SRCAP: variants seen among roughly 807,000 people sequenced by gnomAD.
SRCAP encodes Snf2 related CREBBP activator protein, also known as chromatin remodeling protein SRCAP.
In SRCAP, 46 loss-of-function variants were observed where a neutral mutation model predicts 263.1. That is an observed-to-expected ratio of 0.17 (90% CI 0.14 to 0.22). The LOEUF is 0.22. SRCAP is among the 10% of genes least tolerant of loss of function. SRCAP has a pLI of 1.00. For synonymous variants in SRCAP, 1,813 were observed against 1,662.1 expected (o/e 1.09, Z -2.21); for missense variants, 3,695 against 4,181.9 (o/e 0.88, Z 3.21).
At chr16:30,707,735 G>A (rs764004100) in intron 6 of SRCAP, 23 bp downstream of exon 6, 5 of 1,613,388 alleles carry the variant, frequency 3.1e-6, no homozygotes, top group Non-Finnish European at 4.2e-6. Flanking sequence ...GATCAGGAAA[G>A]GAAAATGGCC....
intron 3 of SRCAP, 96 bp from the exon 4 acceptor site, chr16:30,703,968 C>T: frequency 2.8e-6 from 4 of 1,421,506 alleles, no homozygotes; most frequent in Non-Finnish European, 3.8e-6. Context: ...TTACTCTACA[C>T]AGTTTTTTCT....
chr16:30,730,338 C>CGCTTAAACCACAAGAGCATGT (rs11268096), intron 27 of SRCAP, among the ~76,000 whole-genome samples: 9 of 152,158 alleles, frequency 5.9e-5, no homozygotes, highest in Non-Finnish European at 1.2e-4. Context: ...AACTAACAGT[C>CGCTTAAACCACAAGAGCATGT]ATTGTTTTCT....
intron 3 of SRCAP, among the ~76,000 whole-genome samples, chr16:30,703,126 C>A (rs985481430): frequency 1.3e-5 from 2 of 150,032 alleles, no homozygotes; most frequent in African/African-American, 5.0e-5. Flanking sequence ...GGCTCTGAAA[C>A]GATCAGAATT....
chr16:30,710,881 AC>A (rs758422089), intron 9 of SRCAP, 34 bp downstream of exon 9: 1 of 1,609,552 alleles, frequency 6.2e-7, no homozygotes, highest in Non-Finnish European at 8.5e-7. Context: ...ATTGCCCCTT[AC>A]CCCTTGAATG....
Position 30,729,406 on chromosome 16 carries a change from C to T in SRCAP, c.5961C>T (p.Pro1987=). Residue 1987 remains proline, a synonymous_variant, in exon 27 of 34, where the codon CCC becomes CCT. Transcript: ENST00000262518. ...IFVMPPVEAP[P]PSLHACHPPP... is the part of the protein sequence containing the mutation. ...TCATGCCTCCTGTGGAGGCACCTCCCCCTTCCCTGCATGCCTGCCACCCAC... is the reference window on the plus strand; with the variant it reads ...TCATGCCTCCTGTGGAGGCACCTCCTCCTTCCCTGCATGCCTGCCACCCAC... 5 of 1,614,200 alleles carry T rather than the reference C, an allele frequency of 3.1e-6. No homozygotes were observed. The highest frequency in any genetic ancestry group is 4.2e-6 in the Non-Finnish European group (5 of 1,180,042).
chr16:30,710,642 C>T, intron 8 of SRCAP, 112 bp from the exon 9 acceptor site: 1 of 1,079,366 alleles, frequency 9.3e-7, no homozygotes, highest in Non-Finnish European at 1.4e-6. Context: ...ATACCAGTGG[C>T]AACTGTCACT....
intron 25 of SRCAP, 76 bp from the exon 26 acceptor site, chr16:30,728,890 C>G: frequency 6.7e-7 from 1 of 1,482,892 alleles, no homozygotes; most frequent in South Asian, 1.4e-5. Context: ...TATTTATTTC[C>G]ATCTGGGAAG....
chr16:30,737,616 C>A lies in SRCAP; in HGVS notation c.7576C>A (p.Pro2526Thr). Residue 2526 changes from proline to threonine, a missense_variant, in exon 34 of 34, where the codon CCT becomes ACT. Pro to Thr is a conservative substitution (Grantham distance 38, BLOSUM62 -1). Around this residue, in one of 12 missense-constraint regions of SRCAP, gnomAD observed 1,207 missense variants for 1,142.9 expected, o/e 1.06. Coordinates refer to ENST00000262518, the MANE Select transcript of SRCAP (RefSeq NM_006662.3). Reference protein sequence around the residue: ...AQTCLVTPSSPLLLGPPSVPI... With the variant: ...AQTCLVTPSSTLLLGPPSVPI... ...AACCTGTCTTGTAACTCCTTCCTCT[C>A]CTCTCTTGCTTGGTCCACCTTCTGT... The A allele has an allele frequency of 6.2e-7, 1 of 1,614,076 alleles. No individual in the cohort carries two copies. Among genetic ancestry groups the A allele is most frequent in the Non-Finnish European group, 8.5e-7 (1 of 1,180,026 alleles).
chr16:30,703,111 A>G (rs763004084), intron 3 of SRCAP, among the ~76,000 whole-genome samples: 1 of 151,658 alleles, frequency 6.6e-6, no homozygotes, highest in Non-Finnish European at 1.5e-5. Context: ...GCATGAAATC[A>G]CTGAGGCTCT....
chr16:30,724,473 A>G lies in SRCAP; in HGVS notation c.5049A>G (p.Leu1683=), dbSNP rs1432614721. ...CGGCTTCTACGCAGACACTGGCCCT[A>G]GCCCCAGCTTTAGCACCCACTCTTG... The part of the protein sequence containing the change: ...PSPASTQTLA[L]APALAPTLGG... The change falls in exon 25 of 34, where the codon CTA becomes CTG. Residue 1683 remains leucine, a synonymous_variant. Coordinates refer to ENST00000262518, the MANE Select transcript of SRCAP (RefSeq NM_006662.3). 6.2e-7 allele frequency: 1 copy of G among 1,613,996 alleles called. No homozygotes were observed. The highest frequency in any genetic ancestry group is 8.5e-7 in the Non-Finnish European group (1 of 1,180,020).
intron 16 of SRCAP, among the ~76,000 whole-genome samples, chr16:30,714,506 G>GTTTTTTTTTT (rs1596649452): frequency 1.0e-4 from 1 of 10,036 alleles, no homozygotes; most frequent in East Asian, 8.3e-3. Context: ...ACCGTGCCGG[G>GTTTTTTTTTT]CTTTTTTTTT....
intron 16 of SRCAP, among the ~76,000 whole-genome samples, chr16:30,714,010 G>T (rs1186987314): frequency 6.8e-6 from 1 of 146,292 alleles, no homozygotes; most frequent in Non-Finnish European, 1.5e-5. Context: ...CCATTCTCCT[G>T]CCTCAGCCTC....
At chr16:30,714,330 C>T (rs1294858112) in intron 16 of SRCAP, among the ~76,000 whole-genome samples, 1 of 150,952 alleles carries the variant, frequency 6.6e-6, no homozygotes, top group African/African-American at 2.5e-5. Flanking sequence ...TCCCAAAGTG[C>T]TGGGATTATA....
At position 30,729,289 on chromosome 16, in the gene SRCAP, T is replaced by C. The variant is rs771261092; in HGVS notation, c.5924+58T>C. The C allele has an allele frequency of 3.1e-6, 5 of 1,598,914 alleles. No individual in the cohort carries two copies. The East Asian group carries it at 1.1e-4, about 36-fold the overall frequency. ...TCTTGGGGCCTCAGAGTGGATGTAG[T>C]GCTTAGGGCTGGTGAAGGTGTTAAC... On this transcript the variant is annotated intron_variant, in intron 26 of 33. Transcript: ENST00000262518.
At chr16:30,720,451 G>C (rs748483879) in intron 19 of SRCAP, 120 bp downstream of exon 19, 10 of 1,227,606 alleles carry the variant, frequency 8.1e-6, no homozygotes, top group South Asian at 1.4e-5. Context: ...TATGGGATGG[G>C]TGCAAACGTG....
rs777712374 is a variant in SRCAP at position 30,713,718 on chromosome 16, C to G, written c.2493+7C>G. ...AGTCAAACGCCTCCACAAGGTAGGG[C>G]CTGCAACAGTTTGTCAGGGTATTGG... is the stretch of plus-strand genomic sequence containing the variant. On this transcript the variant is annotated splice_region_variant and intron_variant, in intron 16 of 33. Transcript: ENST00000262518. The G allele has an allele frequency of 5.0e-6, 8 of 1,612,944 alleles. No individual in the cohort carries two copies. The highest frequency in any genetic ancestry group is 1.3e-5 in the African/African-American group (1 of 74,986).
chr16:30,703,964 TAC>T (rs1158960170), intron 3 of SRCAP, 98 bp from the exon 4 acceptor site: 52 of 1,402,760 alleles, frequency 3.7e-5, no homozygotes, highest in Non-Finnish European at 4.8e-5. Context: ...TACCTTACTC[TAC>T]ACAGTTTTTT....
At chr16:30,726,895 T>C (rs2053069644) in intron 25 of SRCAP, among the ~76,000 whole-genome samples, 1 of 152,138 alleles carries the variant, frequency 6.6e-6, no homozygotes, top group Non-Finnish European at 1.5e-5. Context: ...AGAGATGGGG[T>C]TTCACCATGT....
rs1210855100 is a variant in SRCAP, at chr16:30,722,169, C to T, written c.3589C>T (p.Pro1197Ser). Reference sequence around the variant, plus strand: ...GCAGTTAGCCTCACTGGCACAACGTCCAGTGGCTAATGCAGGGGGAAGCAA... The same window carrying T: ...GCAGTTAGCCTCACTGGCACAACGTTCAGTGGCTAATGCAGGGGGAAGCAA... ...IGQLASLAQRPVANAGGSKPL... is the reference protein window; with the variant it reads ...IGQLASLAQRSVANAGGSKPL... Residue 1197 changes from proline (P) to serine (S), a missense_variant, in exon 22 of 34, where the codon CCA becomes TCA. This residue lies in a region of SRCAP where 1,347 missense variants were observed against 1,304.4 expected (regional missense o/e 1.03). Transcript: ENST00000262518. 13 of 1,614,058 alleles carry T rather than the reference C, an allele frequency of 8.1e-6. No homozygotes were observed. The South Asian group carries it at 1.4e-4, about 18-fold the overall frequency.
Sources: gnomAD v4.1 joint callset for allele counts (sites outside exome capture counted in the v4.1 genomes callset) on GRCh38, gnomAD v4.1.1 for gene constraint, gnomAD v4.1.1 regional missense constraint, MANE v1.5 for transcripts, NCBI Gene and HGNC (gene_info 2026-07-23, HGNC 2026-07-21) for gene names.